PRKG1: variants seen among roughly 807,000 people sequenced by gnomAD.
The protein encoded by PRKG1 is cGMP-dependent protein kinase 1.
In PRKG1, 35 loss-of-function variants were observed where a neutral mutation model predicts 88.1. The observed-to-expected ratio is 0.40, with a 90% CI of 0.30 to 0.53. The LOEUF (loss-of-function observed/expected upper bound fraction) is 0.53, where lower values mean the gene tolerates loss of function less well. Among genes scored for constraint, PRKG1 ranks in the 20% least tolerant of loss-of-function variants. The pLI is 0.59. For synonymous variants in PRKG1, 303 were observed against 292.5 expected (o/e 1.04, Z -0.37); for missense variants, 540 against 839.8 (o/e 0.64, Z 4.41).
chr10:52,175,668 T>C (rs1006929512), intron 9 of PRKG1, among the ~76,000 whole-genome samples: 7 of 152,154 alleles, frequency 4.6e-5, no homozygotes, highest in African/African-American at 1.7e-4. Flanking sequence ...TTATTTTTTG[T>C]CTTTTTGATA....
chr10:52,078,356 A>C lies in PRKG1; in HGVS notation c.935+15725A>C, dbSNP rs146385224. 7.2e-5 allele frequency among the ~76,000 whole-genome samples: 11 copies of C among 152,304 alleles called. 1 individual carries two copies. The East Asian group carries it at 2.1e-3, about 29-fold the overall frequency. On this transcript the variant is annotated intron_variant, in intron 7 of 17. Coordinates refer to ENST00000373980, the MANE Select transcript of PRKG1 (RefSeq NM_006258.4). ...TAATCATTTTTTAAATATATGGGGG[A>C]AAGATAAATGTATGGTTTTTATGTT...
chr10:51,467,665 C>A, intron 2 of PRKG1, 58 bp from the exon 3 acceptor site: 3 of 1,401,050 alleles, frequency 2.1e-6, no homozygotes, highest in Non-Finnish European at 3.0e-6. Context: ...ATTAAAAATG[C>A]AACAAATGAA....
chr10:51,874,516 G>A (rs1408878098), intron 4 of PRKG1, among the ~76,000 whole-genome samples: 3 of 152,060 alleles, frequency 2.0e-5, no homozygotes, highest in Non-Finnish European at 4.4e-5. Context: ...CATACTGTAC[G>A]TTCACTTGAA....
intron 7 of PRKG1, among the ~76,000 whole-genome samples, chr10:52,073,873 A>T (rs1229630809): frequency 6.6e-6 from 1 of 152,210 alleles, no homozygotes; most frequent in Admixed American, 6.5e-5. Context: ...CCTCCCCTTC[A>T]TATCTCAAAT....
intron 2 of PRKG1, among the ~76,000 whole-genome samples, chr10:51,383,854 A>G (rs2132633996): frequency 6.6e-6 from 1 of 152,236 alleles, no homozygotes; most frequent in South Asian, 2.1e-4. Context: ...TGAGAGCGTA[A>G]TTCTGTGAAT....
chr10:51,178,125 C>T (rs1209739875), intron 2 of PRKG1, among the ~76,000 whole-genome samples: 1 of 152,068 alleles, frequency 6.6e-6, no homozygotes, highest in African/African-American at 2.4e-5. Flanking sequence ...GCTACACATT[C>T]ACAGTTGACA....
At chr10:51,346,966 G>A (rs1842126706) in intron 2 of PRKG1, among the ~76,000 whole-genome samples, 3 of 152,082 alleles carry the variant, frequency 2.0e-5, no homozygotes, top group African/African-American at 7.2e-5. Context: ...GGGCTTCAAA[G>A]CTCAGTACAA....
intron 2 of PRKG1, among the ~76,000 whole-genome samples, chr10:51,420,691 T>C (rs1838385800): frequency 1.3e-5 from 2 of 152,198 alleles, no homozygotes. Context: ...TCAGGTTGTA[T>C]TAGGCCGTTC....
rs116541194 is a variant in PRKG1 at position 51,550,570 on chromosome 10, A to G, written c.592+82734A>G. On this transcript the variant is annotated intron_variant, in intron 3 of 17. Transcript: ENST00000373980. ...AATGCTAGTTTTCAAACTTACCACT[A>G]TTCTAGATTTCCTGTTATTAATGTA... 2.8e-3 allele frequency among the ~76,000 whole-genome samples: 422 copies of G among 152,090 alleles called. 3 individuals are homozygous for G. Among genetic ancestry groups the G allele is most frequent in the African/African-American group, 9.6e-3 (397 of 41,548 alleles).
chr10:51,696,450 T>G (rs1237620813), intron 3 of PRKG1: 2 of 151,882 alleles, frequency 1.3e-5, no homozygotes, highest in Non-Finnish European at 2.9e-5. Context: ...AGAGAATTAC[T>G]GACTCAGATT....
Position 51,440,848 on chromosome 10 carries a change from A to G in PRKG1, c.479-26875A>G, listed in dbSNP as rs189330410. ...AAGAAGTTACGAGAGAGCAACTAAAACAGCCAAGAAGGCAAAAATTTCATG... is the reference window on the plus strand; with the variant it reads ...AAGAAGTTACGAGAGAGCAACTAAAGCAGCCAAGAAGGCAAAAATTTCATG... On this transcript the variant is annotated intron_variant, in intron 2 of 17. Transcript: ENST00000373980. 1.1e-3 allele frequency among the ~76,000 whole-genome samples: 168 copies of G among 152,090 alleles called. No homozygotes were observed. In the East Asian group the frequency reaches 0.022, roughly 20 times the overall value.
intron 5 of PRKG1, among the ~76,000 whole-genome samples, chr10:51,950,725 C>T (rs561123903): frequency 2.6e-5 from 4 of 152,252 alleles, no homozygotes; most frequent in Non-Finnish European, 5.9e-5. Flanking sequence ...CTCAGTCAGT[C>T]CCTGGCCCCA....
At chr10:51,787,748 G>T (rs1212775160) in intron 3 of PRKG1, among the ~76,000 whole-genome samples, 1 of 152,142 alleles carries the variant, frequency 6.6e-6, no homozygotes, top group African/African-American at 2.4e-5. Context: ...AATTTGGGAA[G>T]TTCTTATCAA....
At position 52,131,844 on chromosome 10, in the gene PRKG1, A is replaced by AAAAAAAAAAC. The variant is rs764532999; in HGVS notation, c.936-1994_936-1993insAAAAAAACAA. On this transcript the variant is annotated intron_variant, in intron 7 of 17. Coordinates refer to ENST00000373980, the MANE Select transcript of PRKG1 (RefSeq NM_006258.4). ...AAAAAAAAAAAAAAAAAAAAAAAAA[A>AAAAAAAAAAC]AAGAGGCCAGTTTGGCCAAAAGGCA... is the stretch of plus-strand genomic sequence containing the variant. Among the ~76,000 whole-genome samples, 250 of 117,232 alleles carry AAAAAAAAAAC rather than the reference A, an allele frequency of 2.1e-3. 16 individuals are homozygous for AAAAAAAAAAC. Among genetic ancestry groups the AAAAAAAAAAC allele is most frequent in the Middle Eastern group, 4.6e-3 (1 of 216 alleles). The allele number at this position is 117,232 out of a possible 152,430, so 76.9% of individuals were successfully genotyped here.
rs146367573 is a variant in PRKG1 at position 51,484,257 on chromosome 10, G to T, written c.592+16421G>T. 2.5e-4 allele frequency among the ~76,000 whole-genome samples: 38 copies of T among 152,152 alleles called. No homozygotes were observed. In the East Asian group the frequency reaches 7.1e-3, roughly 29 times the overall value. On this transcript the variant is annotated intron_variant, in intron 3 of 17. Coordinates refer to ENST00000373980, the MANE Select transcript of PRKG1 (RefSeq NM_006258.4). The stretch of plus-strand genomic sequence containing the variant: ...TTATCAAGCCCGTGTCCCTTTACCT[G>T]AGCCCTATTAGCAGTTTCCGCGTAA...
intron 2 of PRKG1, among the ~76,000 whole-genome samples, chr10:51,238,017 G>C (rs1020825051): frequency 7.2e-5 from 11 of 152,110 alleles, no homozygotes; most frequent in African/African-American, 2.7e-4. Context: ...CATTGAAACT[G>C]TTCATTGCTA....
At chr10:51,522,388 C>G (rs1046138303) in intron 3 of PRKG1, among the ~76,000 whole-genome samples, 4 of 152,144 alleles carry the variant, frequency 2.6e-5, no homozygotes, top group African/African-American at 9.7e-5. Context: ...GTTTAGAGGG[C>G]TGTGATTGAA....
At chr10:51,439,899 T>C (rs1839051505) in intron 2 of PRKG1, among the ~76,000 whole-genome samples, 1 of 151,986 alleles carries the variant, frequency 6.6e-6, no homozygotes. Flanking sequence ...AGAGCTTTTG[T>C]TGAACTTGAA....
At chr10:51,915,207 A>T (rs993541477) in intron 5 of PRKG1, among the ~76,000 whole-genome samples, 1 of 152,212 alleles carries the variant, frequency 6.6e-6, no homozygotes, top group Non-Finnish European at 1.5e-5. Flanking sequence ...AGGCGGAGTT[A>T]TTGGAGTACT....
Sources: allele counts gnomAD v4.1 joint callset (sites outside exome capture counted in the v4.1 genomes callset), GRCh38; gene constraint gnomAD v4.1.1; transcripts MANE v1.5; gene names NCBI Gene and HGNC (gene_info 2026-07-23, HGNC 2026-07-21).